FAT3: variants seen among roughly 807,000 people sequenced by gnomAD.
FAT3 encodes protocadherin Fat 3.
Under a neutral mutation model 310.2 loss-of-function variants are expected in FAT3, and 95 were observed. The observed-to-expected ratio is 0.31, with a 90% confidence interval of 0.26 to 0.36. FAT3 has a LOEUF of 0.36. FAT3 is among the 10% of genes least tolerant of loss of function. The probability of loss-of-function intolerance (pLI) is 1.00; values close to 1 mark genes in which losing one functional copy is unlikely to be tolerated. For synonymous variants in FAT3, 2,314 were observed against 2,192.9 expected (o/e 1.06, Z -1.54); for missense variants, 5,408 against 5,715.6 (o/e 0.95, Z 1.74).
intron 4 of FAT3, among the ~76,000 whole-genome samples, chr11:92,717,671 A>G (rs991417196): frequency 6.6e-6 from 1 of 152,134 alleles, no homozygotes; most frequent in African/African-American, 2.4e-5. Flanking sequence ...CCTGTGCTTT[A>G]GCTATTACAT....
At chr11:92,676,402 A>G (rs1420350271) in intron 3 of FAT3, among the ~76,000 whole-genome samples, 1 of 152,304 alleles carries the variant, frequency 6.6e-6, no homozygotes, top group Middle Eastern at 3.4e-3. Flanking sequence ...CAGAAATCAA[A>G]ATAGTAAAGT....
chr11:92,620,647 A>T (rs1181555726), intron 3 of FAT3, among the ~76,000 whole-genome samples: 2 of 151,448 alleles, frequency 1.3e-5, no homozygotes, highest in African/African-American at 4.9e-5. Context: ...TTCTTCCATT[A>T]TTAAAAAAAA....
Position 92,353,529 on chromosome 11 carries a change from C to G in FAT3, c.1417C>G (p.Gln473Glu), listed in dbSNP as rs1948632286. 1 of 1,613,546 alleles carries G rather than the reference C, an allele frequency of 6.2e-7. No homozygotes were observed. Among genetic ancestry groups the G allele is most frequent in the Admixed American group, 1.7e-5 (1 of 59,866 alleles). Residue 473 changes from glutamine (Q) to glutamate (E), a missense_variant, in exon 2 of 28, where the codon CAG becomes GAG. Coordinates refer to ENST00000525166, the MANE Select transcript of FAT3 (RefSeq NM_001367949.2). ...EDANDHTPEF[Q>E]QPLYDAYVNE... Reference sequence around the variant, plus strand: ...TGCAAATGACCACACCCCAGAATTTCAGCAACCACTGTATGATGCTTATGT... The same window carrying G: ...TGCAAATGACCACACCCCAGAATTTGAGCAACCACTGTATGATGCTTATGT...
At chr11:92,246,501 G>C (rs1864914162) in intron 1 of FAT3, among the ~76,000 whole-genome samples, 1 of 152,092 alleles carries the variant, frequency 6.6e-6, no homozygotes, top group African/African-American at 2.4e-5. Context: ...GACTGGAAAA[G>C]GGGAACTATT....
intron 4 of FAT3, among the ~76,000 whole-genome samples, chr11:92,711,708 GAA>G (rs909425920): frequency 1.4e-4 from 22 of 152,248 alleles, no homozygotes; most frequent in African/African-American, 4.6e-4. Context: ...GAAACATTTG[GAA>G]AAGAGTACTG....
chr11:92,523,347 C>T (rs1188044394), intron 2 of FAT3, among the ~76,000 whole-genome samples: 1 of 152,130 alleles, frequency 6.6e-6, no homozygotes, highest in South Asian at 2.1e-4. Context: ...CCATGGCCTA[C>T]CACTATGCAG....
Position 92,643,623 on chromosome 11 carries a change from G to A in FAT3, c.3608-53761G>A, listed in dbSNP as rs1942041550. ...ATAAAAATGACTGTACAAATATTAA[G>A]GTGCTGTTACAAGGAGATATATACA... On this transcript the variant is annotated intron_variant, in intron 3 of 27. Transcript: ENST00000525166. Among the ~76,000 whole-genome samples the A allele has an allele frequency of 5.3e-5, 8 of 152,272 alleles. No individual in the cohort carries two copies. In the South Asian group the frequency reaches 1.7e-3, roughly 32 times the overall value.
Position 92,800,186 on chromosome 11 carries a change from T to A in FAT3, c.7173T>A (p.Pro2391=). The stretch of plus-strand genomic sequence containing the variant: ...ACATCTCTGATGTAAATGACAACCC[T>A]CCAGTTTTTAATCAGCTCATTTATG... ...HIYISDVNDN[P]PVFNQLIYES... is the part of the protein sequence containing the mutation. The change falls in exon 10 of 28, where the codon CCT becomes CCA. Residue 2391 remains proline, a synonymous_variant. Transcript: ENST00000525166. 3 of 1,613,992 alleles carry A rather than the reference T, an allele frequency of 1.9e-6. No homozygotes were observed. Among genetic ancestry groups the A allele is most frequent in the Non-Finnish European group, 2.5e-6 (3 of 1,179,870 alleles).
chr11:92,365,900 G>T (rs1416002355), intron 2 of FAT3, among the ~76,000 whole-genome samples: 1 of 152,164 alleles, frequency 6.6e-6, no homozygotes, highest in Non-Finnish European at 1.5e-5. Context: ...CCCCAGAAAG[G>T]TTAGTGTTTT....
chr11:92,801,901 A>G lies in FAT3; in HGVS notation c.8888A>G (p.His2963Arg), dbSNP rs1227219222. 3 of 1,612,784 alleles carry G rather than the reference A, an allele frequency of 1.9e-6. No homozygotes were observed. Among genetic ancestry groups the G allele is most frequent in the Non-Finnish European group, 2.5e-6 (3 of 1,179,154 alleles). The change falls in exon 10 of 28, where the codon CAT becomes CGT. Residue 2963 changes from histidine to arginine, a missense_variant. Coordinates refer to ENST00000525166, the MANE Select transcript of FAT3 (RefSeq NM_001367949.2). ...GACGTTAATCGCCAAGTGAGCTACC[A>G]TATTACAGGTGAGTAAATACCCCCA... is the stretch of plus-strand genomic sequence containing the variant. ...TSDVNRQVSY[H>R]ITGGNPRGRF... is the part of the protein sequence containing the mutation.
chr11:92,788,719 G>T (rs1565593909), intron 7 of FAT3, among the ~76,000 whole-genome samples: 1 of 152,090 alleles, frequency 6.6e-6, no homozygotes, highest in African/African-American at 2.4e-5. Context: ...ACCTTAGCAA[G>T]CCTTTTAAAT....
At chr11:92,284,753 T>C (rs1163807040) in intron 1 of FAT3, among the ~76,000 whole-genome samples, 1 of 152,106 alleles carries the variant, frequency 6.6e-6, no homozygotes, top group Non-Finnish European at 1.5e-5. Context: ...GTACCTCACA[T>C]AGTGCCCGGG....
At chr11:92,563,024 G>A (rs946366695) in intron 3 of FAT3, among the ~76,000 whole-genome samples, 1 of 152,128 alleles carries the variant, frequency 6.6e-6, no homozygotes, top group Non-Finnish European at 1.5e-5. Flanking sequence ...TAGTGCTATA[G>A]TACATATGAA....
chr11:92,738,367 C>G (rs1945410605), intron 4 of FAT3, among the ~76,000 whole-genome samples: 1 of 152,234 alleles, frequency 6.6e-6, no homozygotes, highest in South Asian at 2.1e-4. Context: ...ATTGATGATC[C>G]CACTGGGAAT....
chr11:92,864,682 T>A (rs1949195353), intron 21 of FAT3, among the ~76,000 whole-genome samples: 1 of 152,096 alleles, frequency 6.6e-6, no homozygotes, highest in African/African-American at 2.4e-5. Flanking sequence ...CTGGGCATGG[T>A]GGCGCTTGCC....
At chr11:92,851,536 C>G (rs902955626) in intron 19 of FAT3, among the ~76,000 whole-genome samples, 10 of 152,174 alleles carry the variant, frequency 6.6e-5, no homozygotes, top group Non-Finnish European at 8.8e-5. Flanking sequence ...GTTTACTTAT[C>G]TTACTACCCC....
chr11:92,496,014 C>G (rs1242888901), intron 2 of FAT3, among the ~76,000 whole-genome samples: 1 of 152,028 alleles, frequency 6.6e-6, no homozygotes, highest in Admixed American at 6.6e-5. Context: ...GTTGATCCAT[C>G]CAAAAGATGA....
At position 92,400,553 on chromosome 11, in the gene FAT3, T is replaced by C. The variant is rs1360423341; in HGVS notation, c.3292+45149T>C. 2.6e-5 allele frequency: 4 copies of C among 152,156 alleles called. No homozygotes were observed. The East Asian group carries it at 5.8e-4, about 22-fold the overall frequency. 9.4% of individuals were successfully genotyped at this position (152,156 alleles called of 1,614,324 possible). A position where few individuals can be genotyped will look rare whatever the true frequency, so the allele number is the denominator to read the frequency against. On this transcript the variant is annotated intron_variant, in intron 2 of 27. Transcript: ENST00000525166. ...TGTAGTTTGGCAATAAAAGGTCATATCATTGCATATTTGTGCATTACTTAC... is the reference window on the plus strand; with the variant it reads ...TGTAGTTTGGCAATAAAAGGTCATACCATTGCATATTTGTGCATTACTTAC...
chr11:92,816,380 G>C (rs1947826883), intron 13 of FAT3, among the ~76,000 whole-genome samples: 1 of 152,156 alleles, frequency 6.6e-6, no homozygotes, highest in South Asian at 2.1e-4. Flanking sequence ...CACAGCAGAG[G>C]GGAAGAGAGA....
Sources: gnomAD v4.1 joint callset for allele counts (sites outside exome capture counted in the v4.1 genomes callset) on GRCh38, gnomAD v4.1.1 for gene constraint, MANE v1.5 for transcripts, NCBI Gene and HGNC (gene_info 2026-07-23, HGNC 2026-07-21) for gene names.